The following GALNT13 variants were observed in gnomAD, a reference collection of about 807,000 sequenced individuals.
GALNT13 encodes UDP-GalNAc:polypeptide N-acetylgalactosaminyltransferase 13.
Under a neutral mutation model 64.2 loss-of-function variants are expected in GALNT13, and 28 were observed. The ratio of observed to expected loss-of-function variants is 0.44; its 90% CI spans 0.32 to 0.60. GALNT13 has a LOEUF of 0.60. Among genes scored for constraint, GALNT13 ranks in the 20% least tolerant of loss-of-function variants. The pLI, the probability that GALNT13 is intolerant of heterozygous loss-of-function variation, is 0.05. For missense variants in GALNT13, 577 were observed against 669.8 expected, an observed-to-expected ratio of 0.86 and a Z score of 1.53; for synonymous variants, 214 against 224.6, an observed-to-expected ratio of 0.95 and a Z score of 0.42.
chr2:153,786,951 C>T, the GALNT13 span, among the ~76,000 whole-genome samples: 1 of 152,136 alleles, frequency 6.6e-6, no homozygotes, highest in African/African-American at 2.4e-5. Flanking sequence ...CTCGGGTCCA[C>T]AGCACAGGAC....
the GALNT13 span, among the ~76,000 whole-genome samples, chr2:153,286,092 C>T: frequency 0.83 from 125,436 of 152,010 alleles, 52,931 homozygotes; most frequent in African/African-American, 0.91. Flanking sequence ...AGAACCTATA[C>T]AAAAAAACAT....
the GALNT13 span, among the ~76,000 whole-genome samples, chr2:153,422,556 T>TA: frequency 6.6e-6 from 1 of 151,990 alleles, no homozygotes; most frequent in African/African-American, 2.4e-5. Flanking sequence ...CTTATCACAA[T>TA]AAAAAAATAC....
chr2:153,671,019 T>C, the GALNT13 span, among the ~76,000 whole-genome samples: 84 of 152,108 alleles, frequency 5.5e-4, no homozygotes, highest in African/African-American at 1.8e-3. Flanking sequence ...TGAAAAGAAA[T>C]GAACAAAGCC....
At chr2:154,443,159 T>C (rs1429956317) in intron 12 of GALNT13, among the ~76,000 whole-genome samples, 2 of 152,128 alleles carry the variant, frequency 1.3e-5, no homozygotes, top group Non-Finnish European at 2.9e-5. Flanking sequence ...TTGAAGGTTG[T>C]GTGCATTACA....
chr2:154,007,023 CA>C (rs1160782188), intron 3 of GALNT13, among the ~76,000 whole-genome samples: 1 of 152,144 alleles, frequency 6.6e-6, no homozygotes, highest in Non-Finnish European at 1.5e-5. Context: ...ATTAAGGTCC[CA>C]AATCAGCTGG....
At chr2:154,381,938 G>A (rs1450641498) in intron 9 of GALNT13, among the ~76,000 whole-genome samples, 1 of 152,092 alleles carries the variant, frequency 6.6e-6, no homozygotes, top group Admixed American at 6.6e-5. Flanking sequence ...GAGAAGTAAT[G>A]TGAGAAGCTT....
the GALNT13 span, among the ~76,000 whole-genome samples, chr2:153,424,359 C>G: frequency 6.6e-6 from 1 of 151,520 alleles, no homozygotes; most frequent in Admixed American, 6.6e-5. Context: ...AAAAATCAAT[C>G]TGGATATATA....
At chr2:153,259,327 G>T in the GALNT13 span, among the ~76,000 whole-genome samples, 1 of 150,610 alleles carries the variant, frequency 6.6e-6, no homozygotes, top group Non-Finnish European at 1.5e-5. Flanking sequence ...TATAGGTGTA[G>T]TATGTTTCTT....
the GALNT13 span, among the ~76,000 whole-genome samples, chr2:153,562,480 C>A: frequency 1.3e-5 from 2 of 152,010 alleles, no homozygotes; most frequent in Non-Finnish European, 2.9e-5. Context: ...TAATAGACGT[C>A]TTTTGTCAAA....
At chr2:153,712,351 A>G in the GALNT13 span, among the ~76,000 whole-genome samples, 2 of 152,180 alleles carry the variant, frequency 1.3e-5, no homozygotes, top group Non-Finnish European at 2.9e-5. Flanking sequence ...TTAAGACATT[A>G]TATATATTTT....
intron 11 of GALNT13, among the ~76,000 whole-genome samples, chr2:154,434,933 A>AT (rs1265386832): frequency 6.6e-6 from 1 of 152,200 alleles, no homozygotes. Flanking sequence ...CATAGAACAC[A>AT]TTTTTTAAAA....
intron 2 of GALNT13, among the ~76,000 whole-genome samples, chr2:153,942,844 T>A (rs1333844988): frequency 6.6e-6 from 1 of 152,170 alleles, no homozygotes; most frequent in Non-Finnish European, 1.5e-5. Context: ...GGCAACAGAA[T>A]TTCTGTTGCT....
chr2:153,462,086 G>A, the GALNT13 span, among the ~76,000 whole-genome samples: 1 of 151,884 alleles, frequency 6.6e-6, no homozygotes, highest in Non-Finnish European at 1.5e-5. Context: ...GAGCTTTTAT[G>A]GAATAGATAG....
the GALNT13 span, among the ~76,000 whole-genome samples, chr2:153,644,336 C>T: frequency 6.6e-6 from 1 of 151,876 alleles, no homozygotes; most frequent in Non-Finnish European, 1.5e-5. Context: ...ACTATTTTTC[C>T]TCCTGAATAA....
the GALNT13 span, among the ~76,000 whole-genome samples, chr2:153,649,016 A>T: frequency 7.9e-5 from 12 of 152,048 alleles, no homozygotes; most frequent in Non-Finnish European, 1.8e-4. Flanking sequence ...TTTTCTGTTG[A>T]TTGGAATAGT....
chr2:153,937,846 A>C (rs1691054693), intron 2 of GALNT13, among the ~76,000 whole-genome samples: 1 of 152,226 alleles, frequency 6.6e-6, no homozygotes, highest in African/African-American at 2.4e-5. Flanking sequence ...TAAGATGATG[A>C]TTAAGAATTG....
the GALNT13 span, among the ~76,000 whole-genome samples, chr2:153,804,687 C>G: frequency 3.5e-4 from 53 of 151,944 alleles, no homozygotes; most frequent in African/African-American, 1.2e-3. Context: ...ATGGAAATAA[C>G]TACACAAACA....
intron 8 of GALNT13, among the ~76,000 whole-genome samples, chr2:154,264,026 G>A (rs1391281558): frequency 6.6e-6 from 1 of 152,206 alleles, no homozygotes; most frequent in Non-Finnish European, 1.5e-5. Flanking sequence ...CATGACTTGA[G>A]GAGATGAAGC....
intron 3 of GALNT13, among the ~76,000 whole-genome samples, chr2:154,072,135 G>A (rs936627749): frequency 2.0e-5 from 3 of 152,082 alleles, no homozygotes; most frequent in African/African-American, 7.2e-5. Flanking sequence ...ATGGAAAAGT[G>A]GCTAAATCTG....
Sources: gnomAD v4.1 joint callset for allele counts (sites outside exome capture counted in the v4.1 genomes callset) on GRCh38, gnomAD v4.1.1 for gene constraint, MANE v1.5 for transcripts, NCBI Gene and HGNC (gene_info 2026-07-23, HGNC 2026-07-21) for gene names.